Variants in GRID2 observed in about 807,000 individuals in gnomAD.
GRID2 encodes glutamate ionotropic receptor delta type subunit 2, also known as glutamate receptor ionotropic, delta-2.
A neutral mutation model predicts 114.8 loss-of-function variants in GRID2; 33 were observed. The observed-to-expected ratio is 0.29, with a 90% CI of 0.22 to 0.38. The LOEUF is 0.38. Among genes scored for constraint, GRID2 ranks in the 10% least tolerant of loss-of-function variants. The probability of loss-of-function intolerance (pLI) is 1.00; values close to 1 mark genes in which losing one functional copy is unlikely to be tolerated. For synonymous variants in GRID2, 505 were observed against 449.9 expected, an observed-to-expected ratio of 1.12 and a Z score of -1.55; for missense variants, 1,184 against 1,257.7, an observed-to-expected ratio of 0.94 and a Z score of 0.89.
chr4:92,445,162 G>A (rs1733385083), intron 1 of GRID2, among the ~76,000 whole-genome samples: 1 of 152,194 alleles, frequency 6.6e-6, no homozygotes, highest in South Asian at 2.1e-4. Context: ...CTTGTTAACA[G>A]TGCTACAAAG....
At chr4:93,201,453 C>A (rs942687772) in intron 4 of GRID2, among the ~76,000 whole-genome samples, 1 of 152,146 alleles carries the variant, frequency 6.6e-6, no homozygotes, top group African/African-American at 2.4e-5. Context: ...GTGTCCTCTG[C>A]CTATGCATGC....
intron 2 of GRID2, among the ~76,000 whole-genome samples, chr4:92,841,934 G>A (rs752929050): frequency 6.6e-6 from 1 of 152,072 alleles, no homozygotes; most frequent in Non-Finnish European, 1.5e-5. Flanking sequence ...AGGTGAAAGT[G>A]TAAATAGGCA....
intron 2 of GRID2, among the ~76,000 whole-genome samples, chr4:93,049,760 A>G (rs1394235987): frequency 6.6e-6 from 1 of 151,966 alleles, no homozygotes; most frequent in African/African-American, 2.4e-5. Context: ...TGTGATTATC[A>G]TAGTTATTTT....
At chr4:93,040,227 A>T (rs1227779756) in intron 2 of GRID2, among the ~76,000 whole-genome samples, 1 of 151,940 alleles carries the variant, frequency 6.6e-6, no homozygotes, top group East Asian at 1.9e-4. Context: ...ATAACCTTAA[A>T]ATTGATGTGT....
chr4:92,589,083 G>A (rs1035471496), intron 1 of GRID2, among the ~76,000 whole-genome samples: 1 of 152,126 alleles, frequency 6.6e-6, no homozygotes, highest in Admixed American at 6.6e-5. Context: ...TCTAGCCTAG[G>A]CGACAGAACA....
intron 14 of GRID2, among the ~76,000 whole-genome samples, chr4:93,715,417 C>G (rs1728824283): frequency 6.6e-6 from 1 of 152,170 alleles, no homozygotes; most frequent in South Asian, 2.1e-4. Flanking sequence ...TGTTCAAACT[C>G]TTTTGTCGTT....
At chr4:93,797,201 T>C (rs1734822198) in intron 1 of GRID2, among the ~76,000 whole-genome samples, 1 of 152,250 alleles carries the variant, frequency 6.6e-6, no homozygotes, top group African/African-American at 2.4e-5. Context: ...AAAATGTCAT[T>C]ATGTGAAACA....
chr4:93,489,904 T>A (rs1290944024), intron 11 of GRID2, among the ~76,000 whole-genome samples: 1 of 151,922 alleles, frequency 6.6e-6, no homozygotes, highest in Non-Finnish European at 1.5e-5. Context: ...CTTTTATCTA[T>A]AGCTCTCTAG....
chr4:92,480,012 C>A (rs11938986), intron 1 of GRID2, among the ~76,000 whole-genome samples: 27,300 of 152,034 alleles, frequency 0.18, 3,447 homozygotes, highest in African/African-American at 0.36. Context: ...TTGTTTATTG[C>A]ATAATGAGTA....
chr4:92,645,564 A>G (rs1210556529), intron 2 of GRID2, among the ~76,000 whole-genome samples: 2 of 151,680 alleles, frequency 1.3e-5, no homozygotes, highest in East Asian at 1.9e-4. Context: ...TGATACATCT[A>G]TGTACCTGAG....
intron 1 of GRID2, among the ~76,000 whole-genome samples, chr4:92,534,157 T>C (rs1003637157): frequency 3.3e-5 from 5 of 152,112 alleles, no homozygotes; most frequent in Non-Finnish European, 5.9e-5. Context: ...CAAAGGTATA[T>C]ATTAATGTTT....
chr4:92,434,674 G>A (rs1379786343), intron 1 of GRID2, among the ~76,000 whole-genome samples: 1 of 151,648 alleles, frequency 6.6e-6, no homozygotes, highest in Non-Finnish European at 1.5e-5. Context: ...CAGTTTTGGT[G>A]GTTTAAATAA....
At chr4:93,255,329 G>T (rs1489798247) in intron 8 of GRID2, among the ~76,000 whole-genome samples, 1 of 152,082 alleles carries the variant, frequency 6.6e-6, no homozygotes, top group East Asian at 1.9e-4. Flanking sequence ...CCTTTAGTTT[G>T]TTAAAAGACT....
At chr4:93,625,642 G>A (rs1001257181) in intron 13 of GRID2, among the ~76,000 whole-genome samples, 8 of 152,336 alleles carry the variant, frequency 5.3e-5, no homozygotes, top group East Asian at 1.9e-4. Context: ...TGGGCCGGGC[G>A]CGGTGGCTCA....
intron 2 of GRID2, among the ~76,000 whole-genome samples, chr4:92,699,811 ATTATC>A (rs1219871055): frequency 1.3e-5 from 2 of 152,112 alleles, no homozygotes; most frequent in Non-Finnish European, 2.9e-5. Context: ...ATATTGCCAT[ATTATC>A]TTCTCAGATT....
intron 10 of GRID2, among the ~76,000 whole-genome samples, chr4:93,448,783 GCCCTCCCCTT>G (rs1722336277): frequency 1.5e-5 from 2 of 131,190 alleles, no homozygotes; most frequent in African/African-American, 5.8e-5. Flanking sequence ...AGTAGTCTTG[GCCCTCCCCTT>G]CCCTTCCCTT....
At chr4:93,234,570 C>T (rs1746543125) in intron 7 of GRID2, among the ~76,000 whole-genome samples, 1 of 151,420 alleles carries the variant, frequency 6.6e-6, no homozygotes, top group Non-Finnish European at 1.5e-5. Flanking sequence ...TATATATACA[C>T]ACACGTAATG....
intron 13 of GRID2, among the ~76,000 whole-genome samples, chr4:93,598,817 A>C (rs2149635045): frequency 6.6e-6 from 1 of 152,296 alleles, no homozygotes; most frequent in South Asian, 2.1e-4. Flanking sequence ...AAATAATGCA[A>C]ATTTGTGCAT....
chr4:93,037,338 C>A (rs1382911448), intron 2 of GRID2, among the ~76,000 whole-genome samples: 1 of 152,004 alleles, frequency 6.6e-6, no homozygotes, highest in Non-Finnish European at 1.5e-5. Context: ...AAGAAAACGT[C>A]ACCCTTTGTC....
Sources: allele counts gnomAD v4.1 joint callset (sites outside exome capture counted in the v4.1 genomes callset), GRCh38; gene constraint gnomAD v4.1.1; transcripts MANE v1.5; gene names NCBI Gene and HGNC (gene_info 2026-07-23, HGNC 2026-07-21).